The following PTPRD variants were observed in gnomAD, a reference collection of about 807,000 sequenced individuals.
PTPRD encodes the protein receptor-type tyrosine-protein phosphatase delta.
In PTPRD, 34 loss-of-function variants were observed where a neutral mutation model predicts 214.5. The ratio of observed to expected loss-of-function variants is 0.16; its 90% CI spans 0.12 to 0.21. The LOEUF is 0.21. PTPRD is among the 10% of genes least tolerant of loss of function. PTPRD has a pLI of 1.00. For synonymous variants in PTPRD, 1,128 were observed against 845.7 expected, an observed-to-expected ratio of 1.33 and a Z score of -5.79; for missense variants, 2,545 against 2,398.7, an observed-to-expected ratio of 1.06 and a Z score of -1.27.
chr9:8,949,793 G>C (rs1268374749), intron 11 of PTPRD, among the ~76,000 whole-genome samples: 1 of 152,072 alleles, frequency 6.6e-6, no homozygotes, highest in Non-Finnish European at 1.5e-5. Context: ...TCTACGTGTT[G>C]CTTTTTAAAA....
intron 6 of PTPRD, among the ~76,000 whole-genome samples, chr9:9,756,122 C>G (rs1325540339): frequency 6.6e-6 from 1 of 152,066 alleles, no homozygotes; most frequent in Non-Finnish European, 1.5e-5. Flanking sequence ...CTTCTTTCAA[C>G]ACCTCTCTGT....
chr9:8,465,983 T>A (rs1349607097), intron 31 of PTPRD, among the ~76,000 whole-genome samples: 5 of 151,890 alleles, frequency 3.3e-5, no homozygotes, highest in African/African-American at 1.2e-4. Flanking sequence ...AAGTGCATCA[T>A]AACTTGTCTA....
intron 10 of PTPRD, among the ~76,000 whole-genome samples, chr9:9,078,836 A>G (rs2099754891): frequency 6.6e-6 from 1 of 152,190 alleles, no homozygotes; most frequent in African/African-American, 2.4e-5. Flanking sequence ...TTTATTTGTA[A>G]TTGAAAAATA....
At chr9:8,345,833 C>A (rs1036934360) in intron 39 of PTPRD, among the ~76,000 whole-genome samples, 3 of 152,076 alleles carry the variant, frequency 2.0e-5, no homozygotes, top group Admixed American at 6.6e-5. Flanking sequence ...TTATTTGACT[C>A]CAGTGCTAAT....
chr9:9,509,786 G>T (rs1307567993), intron 8 of PTPRD, among the ~76,000 whole-genome samples: 1 of 136,552 alleles, frequency 7.3e-6, no homozygotes, highest in African/African-American at 2.8e-5. Context: ...ACAGTTTATT[G>T]AAACTACCTT....
chr9:8,780,966 G>C (rs975257955), intron 11 of PTPRD, among the ~76,000 whole-genome samples: 6 of 152,140 alleles, frequency 3.9e-5, no homozygotes, highest in African/African-American at 1.4e-4. Context: ...AAATTAACCT[G>C]CTCCAGTGAA....
chr9:8,488,736 C>T (rs2097089478), intron 27 of PTPRD, among the ~76,000 whole-genome samples: 2 of 152,122 alleles, frequency 1.3e-5, no homozygotes, highest in Non-Finnish European at 2.9e-5. Flanking sequence ...GTGTATAGAG[C>T]ATTTACATGA....
intron 8 of PTPRD, among the ~76,000 whole-genome samples, chr9:9,533,338 C>A (rs1006983126): frequency 1.3e-5 from 2 of 152,056 alleles, no homozygotes; most frequent in African/African-American, 4.8e-5. Context: ...TTTTCATTGT[C>A]AAACAATATG....
At chr9:9,023,086 A>G (rs1022407698) in intron 10 of PTPRD, among the ~76,000 whole-genome samples, 6 of 152,144 alleles carry the variant, frequency 3.9e-5, no homozygotes, top group Non-Finnish European at 8.8e-5. Flanking sequence ...TGGAACCTAT[A>G]CAAATAACTT....
At chr9:8,874,181 G>A (rs1211226591) in intron 11 of PTPRD, among the ~76,000 whole-genome samples, 2 of 152,116 alleles carry the variant, frequency 1.3e-5, no homozygotes, top group Admixed American at 6.6e-5. Context: ...CACATTTAAC[G>A]GTAATGAAAC....
At chr9:9,675,479 C>T (rs573658256) in intron 7 of PTPRD, among the ~76,000 whole-genome samples, 1 of 150,898 alleles carries the variant, frequency 6.6e-6, no homozygotes, top group South Asian at 2.1e-4. Context: ...ATGATAAATA[C>T]AAGAAATTAT....
At chr9:8,414,176 ATT>A (rs2093726066) in intron 35 of PTPRD, among the ~76,000 whole-genome samples, 1 of 152,110 alleles carries the variant, frequency 6.6e-6, no homozygotes, top group South Asian at 2.1e-4. Context: ...ACAAATATAT[ATT>A]GGAATAGACC....
At chr9:8,342,033 A>C (rs1852902002) in intron 39 of PTPRD, 55 bp from the exon 40 acceptor site, 1 of 1,470,536 alleles carries the variant, frequency 6.8e-7, no homozygotes, top group Non-Finnish European at 9.0e-7. Flanking sequence ...AAATCAATAC[A>C]TAATAAAAGT....
rs532717346 is a variant in PTPRD at position 10,133,541 on chromosome 9, A to C, written c.-544-99751T>G. On this transcript the variant is annotated intron_variant, in intron 3 of 45. Coordinates refer to ENST00000381196, the MANE Select transcript of PTPRD (RefSeq NM_002839.4). ...TGTACGTGCACAAATAACATAAATA[A>C]CTTAAAAGGTCTGTCTACCAGAATG... is the stretch of plus-strand genomic sequence containing the variant. 7.4e-5 allele frequency among the ~76,000 whole-genome samples: 11 copies of C among 149,292 alleles called. 1 individual carries two copies. The South Asian group carries it at 2.5e-3, about 34-fold the overall frequency.
At chr9:9,062,396 G>T (rs962394850) in intron 10 of PTPRD, among the ~76,000 whole-genome samples, 2 of 152,094 alleles carry the variant, frequency 1.3e-5, no homozygotes, top group African/African-American at 4.8e-5. Context: ...TGTGGCTGAT[G>T]GAAGAAATTA....
At chr9:9,363,669 GGGCCTGAAGCTCA>G (rs927607709) in intron 9 of PTPRD, among the ~76,000 whole-genome samples, 26 of 151,254 alleles carry the variant, frequency 1.7e-4, no homozygotes, top group African/African-American at 6.3e-4. Context: ...GCAGTGTGTG[GGGCCTGAAGCTCA>G]AATATTCAGC....
chr9:8,745,407 A>G lies in PTPRD; in HGVS notation c.-103-11461T>C, dbSNP rs149633546. ...CCCTCCTTTAATTAGCAAAGAGACA[A>G]TATTACAATGGGCATAAACGAAAGG... is the stretch of plus-strand genomic sequence containing the variant. On this transcript the variant is annotated intron_variant, in intron 11 of 45. Transcript: ENST00000381196. Among the ~76,000 whole-genome samples, 409 of 152,340 alleles carry G rather than the reference A, an allele frequency of 2.7e-3. 2 individuals are homozygous for G. Among genetic ancestry groups the G allele is most frequent in the African/African-American group, 9.2e-3 (382 of 41,578 alleles).
intron 11 of PTPRD, among the ~76,000 whole-genome samples, chr9:8,845,007 A>T (rs1296110158): frequency 6.6e-6 from 1 of 152,186 alleles, no homozygotes; most frequent in Non-Finnish European, 1.5e-5. Flanking sequence ...AGTGCAAATT[A>T]TACTTGCACT....
In PTPRD at chr9:8,320,342, T is replaced by C. The variant is rs145418599; in HGVS notation, c.5535-376A>G. On this transcript the variant is annotated intron_variant, in intron 44 of 45. Coordinates refer to ENST00000381196, the MANE Select transcript of PTPRD (RefSeq NM_002839.4). ...TTAATATTTTTAAAGTATGAAATAA[T>C]TCAGAATAAGGTGAAGTGAATTTGG... is the stretch of plus-strand genomic sequence containing the variant. Among the ~76,000 whole-genome samples, 14 of 152,242 alleles carry C rather than the reference T, an allele frequency of 9.2e-5. No individual in the cohort carries two copies. The East Asian group carries it at 2.7e-3, about 29-fold the overall frequency.
Sources: gnomAD v4.1 joint callset for allele counts (sites outside exome capture counted in the v4.1 genomes callset) on GRCh38, gnomAD v4.1.1 for gene constraint, MANE v1.5 for transcripts, NCBI Gene and HGNC (gene_info 2026-07-23, HGNC 2026-07-21) for gene names.